The following CHN2 variants were observed in gnomAD, a reference collection of about 807,000 sequenced individuals.
CHN2 encodes beta-chimaerin.
CHN2 carries 35 observed loss-of-function variants against 56.3 expected under a neutral mutation model. The observed-to-expected ratio is 0.62, with a 90% CI of 0.47 to 0.82. CHN2 has a LOEUF of 0.82. Ranked by LOEUF, CHN2 falls within the 40% of genes least tolerant of loss-of-function variation. The pLI is 0.00. For synonymous variants in CHN2, 210 were observed against 212.8 expected (o/e 0.99, Z 0.12); for missense variants, 491 against 580.5 (o/e 0.85, Z 1.58).
intron 1 of CHN2, among the ~76,000 whole-genome samples, chr7:29,285,818 T>C (rs1190738164): frequency 6.6e-6 from 1 of 152,198 alleles, no homozygotes. Flanking sequence ...TGGACAAATA[T>C]GCCATAAATA....
intron 6 of CHN2, among the ~76,000 whole-genome samples, chr7:29,437,284 C>A (rs899196988): frequency 5.3e-5 from 8 of 152,146 alleles, no homozygotes; most frequent in African/African-American, 1.9e-4. Flanking sequence ...TATGCTGGTG[C>A]ATATCTTCTC....
chr7:29,213,385 ATC>A (rs1785105358), intron 1 of CHN2, among the ~76,000 whole-genome samples: 2 of 152,166 alleles, frequency 1.3e-5, no homozygotes, highest in Non-Finnish European at 2.9e-5. Flanking sequence ...TTGGAGCCTA[ATC>A]AGAGAGGTTT....
intron 7 of CHN2, among the ~76,000 whole-genome samples, chr7:29,488,107 G>T (rs1788242207): frequency 6.6e-6 from 1 of 152,160 alleles, no homozygotes; most frequent in Non-Finnish European, 1.5e-5. Context: ...GGGATCTGTG[G>T]TGCCCGGTTT....
At position 29,230,263 on chromosome 7, in the gene CHN2, C is replaced by T. The variant is rs17157655; in HGVS notation, c.49+35273C>T. Among the ~76,000 whole-genome samples the T allele has an allele frequency of 3.3e-3, 499 of 152,300 alleles. 7 individuals carry two copies. The East Asian group carries it at 0.034, about 10-fold the overall frequency. ...CCTAGTTAAGATTTCTAGGGACGCA[C>T]ATGGTATTGTCTTACTAAACAAAAA... is the stretch of plus-strand genomic sequence containing the variant. On this transcript the variant is annotated intron_variant, in intron 1 of 12. Coordinates refer to ENST00000222792, the MANE Select transcript of CHN2 (RefSeq NM_004067.4).
intron 2 of CHN2, 126 bp downstream of exon 2, chr7:29,354,789 T>G: frequency 1.3e-6 from 1 of 796,532 alleles, no homozygotes; most frequent in Non-Finnish European, 2.1e-6. Flanking sequence ...CAAATCTTTC[T>G]TTCCACTGAG....
At chr7:29,240,312 C>G (rs1787553350) in intron 1 of CHN2, among the ~76,000 whole-genome samples, 1 of 152,212 alleles carries the variant, frequency 6.6e-6, no homozygotes. Flanking sequence ...CCCCTTCACC[C>G]CTTCCCTCCA....
intron 6 of CHN2, among the ~76,000 whole-genome samples, chr7:29,418,549 GT>G (rs1804009052): frequency 6.6e-6 from 1 of 152,106 alleles, no homozygotes; most frequent in African/African-American, 2.4e-5. Flanking sequence ...TTCTTTTTTT[GT>G]TTTGTTTTTA....
intron 6 of CHN2, among the ~76,000 whole-genome samples, chr7:29,461,938 G>A (rs184802472): frequency 2.0e-5 from 3 of 148,416 alleles, no homozygotes; most frequent in Admixed American, 1.3e-4. Flanking sequence ...AATTGTAACT[G>A]TATATTTCTG....
intron 3 of CHN2, among the ~76,000 whole-genome samples, chr7:29,383,283 C>G (rs1800666053): frequency 6.6e-6 from 1 of 151,978 alleles, no homozygotes; most frequent in Non-Finnish European, 1.5e-5. Flanking sequence ...GTTGGAAGGC[C>G]TGAGAGCTCT....
chr7:29,201,053 G>A (rs1184878716), intron 1 of CHN2, among the ~76,000 whole-genome samples: 1 of 152,154 alleles, frequency 6.6e-6, no homozygotes, highest in Non-Finnish European at 1.5e-5. Context: ...ACTAATTTTA[G>A]CATTCCTTTG....
At chr7:29,352,520 A>G (rs1399169637) in intron 1 of CHN2, among the ~76,000 whole-genome samples, 1 of 152,116 alleles carries the variant, frequency 6.6e-6, no homozygotes, top group East Asian at 1.9e-4. Flanking sequence ...TCAGGAATTC[A>G]AGACCAGCCT....
intron 1 of CHN2, among the ~76,000 whole-genome samples, chr7:29,339,266 T>C (rs1796851372): frequency 6.6e-6 from 1 of 152,180 alleles, no homozygotes. Context: ...TTTTTTTTAA[T>C]GTAAATTATG....
At chr7:29,508,620 C>G (rs1189649984) in intron 11 of CHN2, among the ~76,000 whole-genome samples, 1 of 151,968 alleles carries the variant, frequency 6.6e-6, no homozygotes, top group African/African-American at 2.4e-5. Context: ...GTTCTAGCAT[C>G]TAGATATCCT....
At chr7:29,399,315 T>C (rs1034290952) in intron 5 of CHN2, among the ~76,000 whole-genome samples, 11 of 152,282 alleles carry the variant, frequency 7.2e-5, no homozygotes, top group African/African-American at 2.6e-4. Flanking sequence ...CGTGCAGACC[T>C]CACAAGACCT....
At chr7:29,452,986 G>A (rs1350598492) in intron 6 of CHN2, among the ~76,000 whole-genome samples, 1 of 152,138 alleles carries the variant, frequency 6.6e-6, no homozygotes, top group Non-Finnish European at 1.5e-5. Context: ...GACTTTTGAG[G>A]GTCTAACAAA....
intron 6 of CHN2, among the ~76,000 whole-genome samples, chr7:29,425,582 T>G (rs1213253526): frequency 6.6e-6 from 1 of 152,214 alleles, no homozygotes; most frequent in South Asian, 2.1e-4. Flanking sequence ...GAATCTTCTT[T>G]AGCTTCTAGG....
At chr7:29,498,002 T>G (rs1366894859) in intron 8 of CHN2, among the ~76,000 whole-genome samples, 1 of 152,152 alleles carries the variant, frequency 6.6e-6, no homozygotes, top group Non-Finnish European at 1.5e-5. Context: ...ACAGTGTGAA[T>G]GTACTTAATG....
intron 2 of CHN2, among the ~76,000 whole-genome samples, chr7:29,361,110 C>T (rs775453558): frequency 6.6e-5 from 10 of 152,216 alleles, no homozygotes; most frequent in Admixed American, 1.3e-4. Context: ...AATTCCATCA[C>T]GTCACCTCTC....
rs375120538 is a variant in CHN2 at position 29,482,797 on chromosome 7, CTTTTTTTTTTTTTTTTTTTTTTTT to C, written c.654+2460_654+2483del. 9.3e-4 allele frequency among the ~76,000 whole-genome samples: 60 copies of C among 64,212 alleles called. 2 individuals carry two copies. Among genetic ancestry groups the C allele is most frequent in the Middle Eastern group, 0.014 (1 of 74 alleles). The allele number at this position is 64,212 out of a possible 152,430, so 42.1% of individuals were successfully genotyped here. ...TGCTAGGTGCTGTCTGCACTTTTTT[CTTTTTTTTTTTTTTTTTTTTTTTT>C]TTTTTTTTTTTTTTTTTTGAGACGG... On this transcript the variant is annotated intron_variant, in intron 7 of 12. Coordinates refer to ENST00000222792, the MANE Select transcript of CHN2 (RefSeq NM_004067.4).
Sources: gnomAD v4.1 joint callset for allele counts (sites outside exome capture counted in the v4.1 genomes callset) on GRCh38, gnomAD v4.1.1 for gene constraint, MANE v1.5 for transcripts, NCBI Gene and HGNC (gene_info 2026-07-23, HGNC 2026-07-21) for gene names.